The following RGS7 variants were observed in gnomAD, a reference collection of about 807,000 sequenced individuals.
RGS7 encodes regulator of G protein signaling 7, also known as regulator of G-protein signaling 7.
RGS7 carries 27 observed loss-of-function variants against 81.1 expected under a neutral mutation model. That is an observed-to-expected ratio of 0.33 (90% CI 0.25 to 0.46). The LOEUF (loss-of-function observed/expected upper bound fraction) is 0.46, where lower values mean the gene tolerates loss of function less well. Ranked by LOEUF, RGS7 falls within the 20% of genes least tolerant of loss-of-function variation. RGS7 has a pLI of 1.00. For missense variants in RGS7, 396 were observed against 607.4 expected (o/e 0.65, Z 3.66); for synonymous variants, 208 against 207.7 (o/e 1.00, Z -0.01).
At chr1:241,216,202 G>A (rs1229905776) in intron 2 of RGS7, among the ~76,000 whole-genome samples, 2 of 152,166 alleles carry the variant, frequency 1.3e-5, no homozygotes, top group East Asian at 3.9e-4. Flanking sequence ...AACCTGGGAG[G>A]TAGAGGTTGT....
intron 3 of RGS7, among the ~76,000 whole-genome samples, chr1:241,088,330 A>C (rs34537049): frequency 6.6e-6 from 1 of 151,880 alleles, no homozygotes; most frequent in Non-Finnish European, 1.5e-5. Flanking sequence ...AGAGGATCAG[A>C]ACACGCCACC....
chr1:240,803,999 G>C (rs972140171), intron 15 of RGS7, among the ~76,000 whole-genome samples: 6 of 152,100 alleles, frequency 3.9e-5, no homozygotes, highest in East Asian at 1.9e-4. Flanking sequence ...GCCCAATGGT[G>C]ATCTTCAAAG....
intron 2 of RGS7, among the ~76,000 whole-genome samples, chr1:241,259,200 C>G (rs533951619): frequency 1.3e-5 from 2 of 152,254 alleles, no homozygotes; most frequent in Admixed American, 1.3e-4. Flanking sequence ...AAATATTTAT[C>G]AAGCAGCAAA....
At chr1:240,862,981 G>A (rs1190070406) in intron 9 of RGS7, among the ~76,000 whole-genome samples, 1 of 151,210 alleles carries the variant, frequency 6.6e-6, no homozygotes. Flanking sequence ...TAGAGACAGG[G>A]TTTCACTCTG....
At chr1:240,863,335 C>A (rs1015089153) in intron 9 of RGS7, among the ~76,000 whole-genome samples, 1 of 152,010 alleles carries the variant, frequency 6.6e-6, no homozygotes, top group Non-Finnish European at 1.5e-5. Flanking sequence ...ATTAGCTGGG[C>A]GTGGTGGCAT....
chr1:240,903,448 A>G (rs926417103), intron 6 of RGS7, among the ~76,000 whole-genome samples: 1 of 152,136 alleles, frequency 6.6e-6, no homozygotes, highest in African/African-American at 2.4e-5. Context: ...TTCGTCACTT[A>G]AGGGTTATTG....
intron 2 of RGS7, among the ~76,000 whole-genome samples, chr1:241,167,552 C>T (rs779302563): frequency 6.6e-6 from 1 of 151,822 alleles, no homozygotes; most frequent in Non-Finnish European, 1.5e-5. Context: ...CGAGTCTCGC[C>T]CTGTCACCCA....
At chr1:240,827,518 C>A (rs16840783) in intron 9 of RGS7, among the ~76,000 whole-genome samples, 8,103 of 152,156 alleles carry the variant, frequency 0.053, 307 homozygotes, top group Middle Eastern at 0.078. Context: ...CAAAGAGATA[C>A]CCCTTGCTGG....
At chr1:240,952,001 G>C (rs1679645748) in intron 4 of RGS7, among the ~76,000 whole-genome samples, 1 of 152,012 alleles carries the variant, frequency 6.6e-6, no homozygotes, top group African/African-American at 2.4e-5. Context: ...GTTGAAGGAA[G>C]AAAACCCACT....
chr1:241,232,157 A>T (rs193238924), intron 2 of RGS7, among the ~76,000 whole-genome samples: 25 of 151,778 alleles, frequency 1.6e-4, no homozygotes, highest in Admixed American at 1.4e-3. Context: ...TTATTTTGGG[A>T]TCTCTTAATT....
chr1:241,247,914 T>G (rs1274687511), intron 2 of RGS7, among the ~76,000 whole-genome samples: 1 of 152,208 alleles, frequency 6.6e-6, no homozygotes, highest in African/African-American at 2.4e-5. Context: ...AGTAATTGGA[T>G]GATGTAAATA....
intron 3 of RGS7, among the ~76,000 whole-genome samples, chr1:241,013,456 G>A (rs2059073924): frequency 6.6e-6 from 1 of 152,118 alleles, no homozygotes; most frequent in Non-Finnish European, 1.5e-5. Flanking sequence ...CTGTGACTAT[G>A]TCTTTTCTTC....
chr1:240,797,620 G>GGGATTACA (rs1385208632), intron 18 of RGS7, among the ~76,000 whole-genome samples: 1 of 152,172 alleles, frequency 6.6e-6, no homozygotes, highest in African/African-American at 2.4e-5. Flanking sequence ...TCAAAGTGCT[G>GGGATTACA]GGATTACAGG....
chr1:241,127,404 T>C lies in RGS7; in HGVS notation c.79-28642A>G, dbSNP rs1382085463. 2.0e-5 allele frequency among the ~76,000 whole-genome samples: 3 copies of C among 152,194 alleles called. No homozygotes were observed. In the East Asian group the frequency reaches 5.8e-4, roughly 29 times the overall value. On this transcript the variant is annotated intron_variant, in intron 2 of 18. Coordinates refer to ENST00000440928, the MANE Select transcript of RGS7 (RefSeq NM_001364886.1). ...AATTACTAAATCCGTCAATAATCCCTACTCGACAGCCATCATTCTCAGCAA... is the reference window on the plus strand; with the variant it reads ...AATTACTAAATCCGTCAATAATCCCCACTCGACAGCCATCATTCTCAGCAA...
At chr1:241,154,094 T>G (rs2068944469) in intron 2 of RGS7, among the ~76,000 whole-genome samples, 1 of 152,202 alleles carries the variant, frequency 6.6e-6, no homozygotes, top group Non-Finnish European at 1.5e-5. Context: ...GTCCTGTTTT[T>G]GTGGCGAGAT....
At chr1:241,019,477 G>C (rs2059433848) in intron 3 of RGS7, among the ~76,000 whole-genome samples, 1 of 151,970 alleles carries the variant, frequency 6.6e-6, no homozygotes, top group Non-Finnish European at 1.5e-5. Flanking sequence ...ACCTACATTA[G>C]GTATTTCTCC....
chr1:241,028,311 C>G (rs1309275312), intron 3 of RGS7, among the ~76,000 whole-genome samples: 1 of 152,172 alleles, frequency 6.6e-6, no homozygotes, highest in Non-Finnish European at 1.5e-5. Context: ...ATTGAATTTA[C>G]CTGACAGTGT....
intron 9 of RGS7, among the ~76,000 whole-genome samples, chr1:240,866,455 G>T (rs1663277145): frequency 6.6e-6 from 1 of 151,510 alleles, no homozygotes; most frequent in Non-Finnish European, 1.5e-5. Flanking sequence ...AGCTTGCAGT[G>T]AGCTGAGATT....
Position 241,263,760 on chromosome 1 carries a change from A to T in RGS7, c.78+91939T>A, listed in dbSNP as rs375006580. On this transcript the variant is annotated intron_variant, in intron 2 of 18. Transcript: ENST00000440928. Reference sequence around the variant, plus strand: ...CAACTTTAAAAATAATCAAATTTTTAAAAAAGAGTCCAAAATGCCGGCCTC... The same window carrying T: ...CAACTTTAAAAATAATCAAATTTTTTAAAAAGAGTCCAAAATGCCGGCCTC... Among the ~76,000 whole-genome samples, 498 of 152,338 alleles carry T rather than the reference A, an allele frequency of 3.3e-3. 3 individuals carry two copies. The highest frequency in any genetic ancestry group is 3.7e-3 in the Non-Finnish European group (250 of 68,028).
Sources: gnomAD v4.1 joint callset for allele counts (sites outside exome capture counted in the v4.1 genomes callset) on GRCh38, gnomAD v4.1.1 for gene constraint, MANE v1.5 for transcripts, NCBI Gene and HGNC (gene_info 2026-07-23, HGNC 2026-07-21) for gene names.